The following YKT6 variants were observed in gnomAD, a reference collection of about 807,000 sequenced individuals.
YKT6 encodes YKT6 vesicular SNARE protein, also known as synaptobrevin homolog YKT6.
A neutral mutation model predicts 29.3 loss-of-function variants in YKT6; 12 were observed. The observed-to-expected ratio is 0.41, with a 90% CI of 0.26 to 0.66. YKT6 has a LOEUF of 0.66. YKT6 is among the 30% of genes least tolerant of loss of function. The pLI, the probability that YKT6 is intolerant of heterozygous loss-of-function variation, is 0.32. For synonymous variants in YKT6, 86 were observed against 94.3 expected (o/e 0.91, Z 0.51); for missense variants, 188 against 243.8 (o/e 0.77, Z 1.52).
Position 44,207,990 on chromosome 7 carries a change from C to T in YKT6, c.394-143C>T. ...CCACCCGCCTCATCCTCCCAAAATGCTGGGATTACAGGCGTGAGCCACTGT... is the reference window on the plus strand; with the variant it reads ...CCACCCGCCTCATCCTCCCAAAATGTTGGGATTACAGGCGTGAGCCACTGT... On this transcript the variant is annotated intron_variant, in intron 4 of 6. Transcript: ENST00000223369. The T allele has an allele frequency of 7.6e-6, 6 of 785,096 alleles. No individual in the cohort carries two copies. In the South Asian group the frequency reaches 8.3e-5, roughly 11 times the overall value. The allele number at this position is 785,096 out of a possible 1,614,324, so 48.6% of individuals were successfully genotyped here. A position where few individuals can be genotyped will look rare whatever the true frequency, so the allele number is the denominator to read the frequency against.
Position 44,212,539 on chromosome 7 carries a change from C to T in YKT6, c.*257C>T, listed in dbSNP as rs1309227143. On this transcript the variant is annotated 3_prime_UTR_variant, in exon 7 of 7. Transcript: ENST00000223369. The stretch of plus-strand genomic sequence containing the variant: ...GGGCAAATGAAACCATAAACTCCGA[C>T]TGGCTTCTGTAGATGCCAAAGGGCT... 2 of 488,050 alleles carry T rather than the reference C, an allele frequency of 4.1e-6. No individual in the cohort carries two copies. Among genetic ancestry groups the T allele is most frequent in the African/African-American group, 3.9e-5 (2 of 51,472 alleles). The allele number at this position is 488,050 out of a possible 1,614,324, so 30.2% of individuals were successfully genotyped here.
chr7:44,212,309 G>A lies in YKT6; in HGVS notation c.*27G>A. 6.2e-7 allele frequency: 1 copy of A among 1,613,008 alleles called. No homozygotes were observed. The highest frequency in any genetic ancestry group is 8.5e-7 in the Non-Finnish European group (1 of 1,179,414). On this transcript the variant is annotated 3_prime_UTR_variant, in exon 7 of 7. Coordinates refer to ENST00000223369, the MANE Select transcript of YKT6 (RefSeq NM_006555.4). ...GCAGCCTGCCAGAGGCCCAATGCTG[G>A]AATGGCACCATCATTCACATCAGAA... is the stretch of plus-strand genomic sequence containing the variant.
At chr7:44,208,472 C>A in intron 5 of YKT6, 1 of 418,362 alleles carries the variant, frequency 2.4e-6, no homozygotes, top group Non-Finnish European at 4.4e-6. Flanking sequence ...CCTGTCTGAC[C>A]ATTTACTGGG....
chr7:44,214,228 T>A lies in YKT6; in HGVS notation c.*1946T>A, dbSNP rs958922209. On this transcript the variant is annotated 3_prime_UTR_variant, in exon 7 of 7. Transcript: ENST00000223369. The stretch of plus-strand genomic sequence containing the variant: ...TTTGGCGAGACTGTATTTTAGTAAC[T>A]GCTGCCTAACTTCCCTGTGTTCTAT... 1.3e-5 allele frequency: 2 copies of A among 152,264 alleles called. No homozygotes were observed. Among genetic ancestry groups the A allele is most frequent in the Non-Finnish European group, 2.9e-5 (2 of 68,070 alleles). The allele number at this position is 152,264 out of a possible 1,614,324, so 9.4% of individuals were successfully genotyped here.
At chr7:44,203,821 C>T (rs1036785206) in intron 1 of YKT6, among the ~76,000 whole-genome samples, 8 of 152,144 alleles carry the variant, frequency 5.3e-5, no homozygotes, top group Non-Finnish European at 8.8e-5. Flanking sequence ...ATTTGAGCAC[C>T]CTGCTTTGAT....
chr7:44,206,454 C>G lies in YKT6; in HGVS notation c.257C>G (p.Pro86Arg), dbSNP rs2096340996. The change falls in exon 3 of 7, where the codon CCA becomes CGA. Residue 86 changes from proline (P) to arginine (R), a missense_variant. Transcript: ENST00000223369. The stretch of plus-strand genomic sequence containing the variant: ...GTGGTCATTGCTGACAATGAATACC[C>G]ATCCCGGGTGGCCTTTACCTTGCTG... ...AGVVIADNEYPSRVAFTLLEK... is the reference protein window; with the variant it reads ...AGVVIADNEYRSRVAFTLLEK... 2.2e-5 allele frequency: 35 copies of G among 1,614,064 alleles called. No individual in the cohort carries two copies. Among genetic ancestry groups the G allele is most frequent in the Non-Finnish European group, 3.0e-5 (35 of 1,180,034 alleles).
chr7:44,207,327 G>A (rs1005359668), intron 3 of YKT6, 61 bp from the exon 4 acceptor site: 1 of 1,486,636 alleles, frequency 6.7e-7, no homozygotes, highest in African/African-American at 1.4e-5. Context: ...GTGAAGCCCT[G>A]TCATTGAGAC....
chr7:44,208,703 T>G (rs2096343536), intron 5 of YKT6: 1 of 152,504 alleles, frequency 6.6e-6, no homozygotes, highest in Admixed American at 6.5e-5. Context: ...CATTTTGAGC[T>G]GAAATCTCCT....
intron 5 of YKT6, among the ~76,000 whole-genome samples, chr7:44,209,571 T>C (rs1036891981): frequency 5.9e-5 from 9 of 152,212 alleles, no homozygotes; most frequent in African/African-American, 2.2e-4. Flanking sequence ...CTAGCTGCAG[T>C]TGTAAAATCT....
intron 5 of YKT6, chr7:44,210,676 G>A: frequency 3.1e-6 from 1 of 326,530 alleles, no homozygotes; most frequent in South Asian, 2.1e-5. Context: ...ACGCACATGT[G>A]CGTGCACACA....
chr7:44,209,127 G>A (rs995177456), intron 5 of YKT6, among the ~76,000 whole-genome samples: 2 of 152,232 alleles, frequency 1.3e-5, no homozygotes, highest in African/African-American at 4.8e-5. Context: ...ACAGTGCCTA[G>A]TTTATACCAT....
intron 1 of YKT6, 21 bp from the exon 2 acceptor site, chr7:44,204,547 A>T: frequency 6.2e-7 from 1 of 1,613,620 alleles, no homozygotes; most frequent in Non-Finnish European, 8.5e-7. Flanking sequence ...GTAGGCAATA[A>T]ATACATTTTG....
chr7:44,207,477 C>G lies in YKT6; in HGVS notation c.378C>G (p.His126Gln), dbSNP rs1321161946. ...TCCATTACCCAGCCCTGGATGGTCACCTCAGTAGATACCAGGTAGGGTTAA... is the reference window on the plus strand; with the variant it reads ...TCCATTACCCAGCCCTGGATGGTCAGCTCAGTAGATACCAGGTAGGGTTAA... ...ATIHYPALDGHLSRYQNPREA... is the reference protein window; with the variant it reads ...ATIHYPALDGQLSRYQNPREA... Residue 126 changes from histidine (H) to glutamine (Q), a missense_variant, in exon 4 of 7, where the codon CAC becomes CAG. By Grantham distance (24) the His-to-Gln change is conservative. Coordinates refer to ENST00000223369, the MANE Select transcript of YKT6 (RefSeq NM_006555.4). The G allele has an allele frequency of 6.2e-7, 1 of 1,613,920 alleles. No individual in the cohort carries two copies. Among genetic ancestry groups the G allele is most frequent in the East Asian group, 2.2e-5 (1 of 44,896 alleles).
chr7:44,207,563 C>T (rs867489664), intron 4 of YKT6, 71 bp downstream of exon 4: 46 of 1,336,636 alleles, frequency 3.4e-5, no homozygotes, highest in Non-Finnish European at 4.8e-5. Flanking sequence ...AAGCCAACTG[C>T]CCTGATAGTT....
chr7:44,210,556 A>T lies in YKT6; in HGVS notation c.460-467A>T, dbSNP rs376481710. On this transcript the variant is annotated intron_variant, in intron 5 of 6. Coordinates refer to ENST00000223369, the MANE Select transcript of YKT6 (RefSeq NM_006555.4). ...ATGGTCACATTCAGAGATTCTGGGG[A>T]TGTTAATTTCTGGGATGCGGTTGGG... Among the ~76,000 whole-genome samples the T allele has an allele frequency of 4.1e-4, 63 of 152,234 alleles. 1 individual carries two copies. The South Asian group carries it at 8.7e-3, about 21-fold the overall frequency.
At chr7:44,209,257 C>T (rs921138091) in intron 5 of YKT6, among the ~76,000 whole-genome samples, 52 of 152,292 alleles carry the variant, frequency 3.4e-4, no homozygotes, top group Non-Finnish European at 6.2e-4. Flanking sequence ...TGTTGGCCTG[C>T]GATGGAGCCT....
intron 1 of YKT6, among the ~76,000 whole-genome samples, chr7:44,202,442 C>T (rs1400447769): frequency 1.3e-5 from 2 of 152,174 alleles, no homozygotes; most frequent in African/African-American, 2.4e-5. Context: ...ATTCCCTTCT[C>T]CCCCAGCCCA....
chr7:44,212,207 G>A lies in YKT6; in HGVS notation c.562-40G>A, dbSNP rs75236823. ...CCAGGATTGGGGCTTCCCTTACTTC[G>A]TCAGTCCTCCTTCTCAGCTCCTCTT... On this transcript the variant is annotated intron_variant, in intron 6 of 6. Transcript: ENST00000223369. 2.0e-3 allele frequency: 3,194 copies of A among 1,613,654 alleles called. 5 individuals are homozygous for A. Among genetic ancestry groups the A allele is most frequent in the Non-Finnish European group, 2.5e-3 (2,963 of 1,179,810 alleles).
intron 5 of YKT6, 40 bp from the exon 6 acceptor site, chr7:44,210,983 G>C (rs772576303): frequency 1.9e-6 from 3 of 1,607,296 alleles, no homozygotes; most frequent in South Asian, 1.1e-5. Context: ...GTCAGGGCAC[G>C]TACTGAACAG....
Sources: gnomAD v4.1 joint callset for allele counts (sites outside exome capture counted in the v4.1 genomes callset) on GRCh38, gnomAD v4.1.1 for gene constraint, MANE v1.5 for transcripts, NCBI Gene and HGNC (gene_info 2026-07-23, HGNC 2026-07-21) for gene names.